Variants in CSMD1 observed in about 807,000 individuals in gnomAD.
The protein encoded by CSMD1 is CUB and sushi domain-containing protein 1.
CSMD1 carries 213 observed loss-of-function variants against 417.5 expected under a neutral mutation model. The observed-to-expected ratio is 0.51, with a 90% CI of 0.46 to 0.57. CSMD1 has a LOEUF of 0.57. Among genes scored for constraint, CSMD1 ranks in the 20% least tolerant of loss-of-function variants. The probability of loss-of-function intolerance (pLI) is 0.00; values close to 1 mark genes in which losing one functional copy is unlikely to be tolerated. For synonymous variants in CSMD1, 2,862 were observed against 1,736.8 expected (o/e 1.65, Z -16.11); for missense variants, 6,923 against 4,529.7 (o/e 1.53, Z -15.17).
intron 5 of CSMD1, among the ~76,000 whole-genome samples, chr8:3,818,300 G>C (rs1200300199): frequency 1.3e-5 from 2 of 152,164 alleles, no homozygotes; most frequent in African/African-American, 4.8e-5. Flanking sequence ...TGTAGTGGGA[G>C]AGAAGAACAT....
chr8:3,930,055 G>T (rs1387292966), intron 5 of CSMD1, among the ~76,000 whole-genome samples: 1 of 150,262 alleles, frequency 6.7e-6, no homozygotes, highest in Non-Finnish European at 1.5e-5. Context: ...CTGAGAGGGG[G>T]TATGTGTTAC....
At chr8:4,640,195 G>A (rs1252123788) in intron 1 of CSMD1, among the ~76,000 whole-genome samples, 1 of 152,196 alleles carries the variant, frequency 6.6e-6, no homozygotes, top group Non-Finnish European at 1.5e-5. Flanking sequence ...TGCTGAATGA[G>A]TCACATTTGA....
Position 4,221,174 on chromosome 8 carries a change from C to T in CSMD1, c.416-189075G>A, listed in dbSNP as rs141976033. Among the ~76,000 whole-genome samples, 566 of 152,250 alleles carry T rather than the reference C, an allele frequency of 3.7e-3. 5 individuals are homozygous for T. The highest frequency in any genetic ancestry group is 0.013 in the African/African-American group (542 of 41,536). ...TATCACTGAAGCTCCATCCGTGATT[C>T]TGCATTTCAATCTGGCTTTAGTCTC... On this transcript the variant is annotated intron_variant, in intron 3 of 69. Coordinates refer to ENST00000635120, the MANE Select transcript of CSMD1 (RefSeq NM_033225.6).
At chr8:4,850,907 C>A (rs1801436073) in intron 1 of CSMD1, among the ~76,000 whole-genome samples, 1 of 123,782 alleles carries the variant, frequency 8.1e-6, no homozygotes, top group Non-Finnish European at 1.7e-5. Context: ...GTTTCCCTTG[C>A]CCCCCCACTT....
chr8:3,700,664 G>C (rs1223533396), intron 7 of CSMD1: 6 of 152,208 alleles, frequency 3.9e-5, no homozygotes, highest in Admixed American at 3.3e-4. Context: ...GTGAGGGAGG[G>C]AGGATGTGAT....
At chr8:3,894,370 C>T (rs951787133) in intron 5 of CSMD1, among the ~76,000 whole-genome samples, 1 of 152,166 alleles carries the variant, frequency 6.6e-6, no homozygotes, top group African/African-American at 2.4e-5. Context: ...GGTGTTGCAA[C>T]TCAAGGGGAG....
At chr8:4,405,323 CAT>C (rs1804933651) in intron 3 of CSMD1, among the ~76,000 whole-genome samples, 1 of 151,956 alleles carries the variant, frequency 6.6e-6, no homozygotes, top group African/African-American at 2.4e-5. Flanking sequence ...GTTTTTTTCT[CAT>C]TTTTTTTTTC....
At chr8:4,298,697 C>G (rs1797815949) in intron 3 of CSMD1, among the ~76,000 whole-genome samples, 1 of 152,032 alleles carries the variant, frequency 6.6e-6, no homozygotes, top group Non-Finnish European at 1.5e-5. Context: ...CTTCAGGCTA[C>G]TCTGATACTA....
chr8:3,875,879 T>G (rs1186956678), intron 5 of CSMD1, among the ~76,000 whole-genome samples: 1 of 152,126 alleles, frequency 6.6e-6, no homozygotes, highest in Non-Finnish European at 1.5e-5. Flanking sequence ...TGTTCCAAAC[T>G]TGGTAGGAAA....
intron 3 of CSMD1, among the ~76,000 whole-genome samples, chr8:4,086,545 A>G (rs1353810761): frequency 6.6e-6 from 1 of 152,200 alleles, no homozygotes; most frequent in African/African-American, 2.4e-5. Flanking sequence ...TCAAGCTCTT[A>G]AAATAGGGCC....
intron 7 of CSMD1, among the ~76,000 whole-genome samples, chr8:3,638,772 G>A (rs925067747): frequency 6.6e-6 from 1 of 152,104 alleles, no homozygotes; most frequent in Non-Finnish European, 1.5e-5. Flanking sequence ...CATACCAAGA[G>A]AGAAACCAGC....
At chr8:2,982,354 T>A (rs1242336283) in intron 54 of CSMD1, among the ~76,000 whole-genome samples, 1 of 152,122 alleles carries the variant, frequency 6.6e-6, no homozygotes, top group Non-Finnish European at 1.5e-5. Flanking sequence ...AGACTCTGTC[T>A]CAAAAAACAA....
intron 5 of CSMD1, among the ~76,000 whole-genome samples, chr8:3,935,961 G>C (rs879631764): frequency 3.3e-5 from 5 of 152,256 alleles, no homozygotes; most frequent in East Asian, 3.9e-4. Flanking sequence ...CAAAGGAAAA[G>C]TTCTTGAAAT....
intron 16 of CSMD1, among the ~76,000 whole-genome samples, chr8:3,398,764 G>A (rs1811854194): frequency 6.6e-6 from 1 of 152,060 alleles, no homozygotes; most frequent in Non-Finnish European, 1.5e-5. Flanking sequence ...TGAGAGAAAT[G>A]GGAAAACCCT....
chr8:3,651,729 A>G (rs1797867378), intron 7 of CSMD1, among the ~76,000 whole-genome samples: 1 of 151,942 alleles, frequency 6.6e-6, no homozygotes. Context: ...TACCAGCAAC[A>G]GCGTGCTTAC....
At chr8:4,449,675 T>G (rs1154070) in intron 2 of CSMD1, among the ~76,000 whole-genome samples, 1 of 151,852 alleles carries the variant, frequency 6.6e-6, no homozygotes, top group Non-Finnish European at 1.5e-5. Context: ...CTGAGAGGAA[T>G]GGGATGGGAA....
At chr8:4,887,392 T>C (rs1009450559) in intron 1 of CSMD1, among the ~76,000 whole-genome samples, 20 of 152,206 alleles carry the variant, frequency 1.3e-4, no homozygotes, top group African/African-American at 4.8e-4. Flanking sequence ...TAAATACAGT[T>C]ATCATGGACA....
chr8:3,884,930 TTCA>T (rs1344728258), intron 5 of CSMD1, among the ~76,000 whole-genome samples: 2 of 145,414 alleles, frequency 1.4e-5, no homozygotes, highest in Non-Finnish European at 3.0e-5. Context: ...TATATATATA[TTCA>T]TATATATATA....
Position 3,724,912 on chromosome 8 carries a change from G to A in CSMD1, c.932-16421C>T, listed in dbSNP as rs2623757. On this transcript the variant is annotated intron_variant, in intron 6 of 69. Transcript: ENST00000635120. The stretch of plus-strand genomic sequence containing the variant: ...CTATTAGATCTGCCATGGTAAAGAA[G>A]CACATGCCCCACTATGTACAAATTC... 3.8e-3 allele frequency among the ~76,000 whole-genome samples: 580 copies of A among 152,298 alleles called. 13 individuals are homozygous for A. In the East Asian group the frequency reaches 0.069, roughly 18 times the overall value.
Sources: gnomAD v4.1 joint callset for allele counts (sites outside exome capture counted in the v4.1 genomes callset) on GRCh38, gnomAD v4.1.1 for gene constraint, MANE v1.5 for transcripts, NCBI Gene and HGNC (gene_info 2026-07-23, HGNC 2026-07-21) for gene names.